DNAJC15: variants seen among roughly 807,000 people sequenced by gnomAD.
DNAJC15 encodes DnaJ heat shock protein family (Hsp40) member C15.
DNAJC15 carries 27 observed loss-of-function variants against 22.4 expected under a neutral mutation model. The ratio of observed to expected loss-of-function variants is 1.20; its 90% confidence interval spans 0.89 to 1.66. The LOEUF (loss-of-function observed/expected upper bound fraction) is 1.66, where lower values mean the gene tolerates loss of function less well. DNAJC15 is among the 40% of genes most tolerant of loss of function. DNAJC15 has a pLI of 0.00. For synonymous variants in DNAJC15, 79 were observed against 63.2 expected (o/e 1.25, Z -1.19); for missense variants, 208 against 187.1 (o/e 1.11, Z -0.65).
rs181034620 is a variant in DNAJC15, at chr13:43,108,149, A to G, written c.*901A>G. Reference sequence around the variant, plus strand: ...TTTAAAAGTTCAAAGGAAGAAAAGAATGTGTTAAACACTGCATGAGAGGAG... The same window carrying G: ...TTTAAAAGTTCAAAGGAAGAAAAGAGTGTGTTAAACACTGCATGAGAGGAG... On this transcript the variant is annotated 3_prime_UTR_variant, in exon 6 of 6. Transcript: ENST00000379221. 1 of 152,666 alleles carries G rather than the reference A, an allele frequency of 6.6e-6. No individual in the cohort carries two copies. The highest frequency in any genetic ancestry group is 1.9e-4 in the East Asian group (1 of 5,182). 9.5% of individuals were successfully genotyped at this position (152,666 alleles called of 1,614,324 possible).
chr13:43,096,736 C>T lies in DNAJC15; in HGVS notation c.383-10442C>T, dbSNP rs529014216. On this transcript the variant is annotated intron_variant, in intron 5 of 5. Coordinates refer to ENST00000379221, the MANE Select transcript of DNAJC15 (RefSeq NM_013238.3). ...ATCAAGAGGTGGTCTGATTTTTCACCCTTTGTATTCAGGTTGGCCTTTGTC... is the reference window on the plus strand; with the variant it reads ...ATCAAGAGGTGGTCTGATTTTTCACTCTTTGTATTCAGGTTGGCCTTTGTC... Among the ~76,000 whole-genome samples the T allele has an allele frequency of 3.9e-5, 6 of 152,238 alleles. No individual in the cohort carries two copies. In the East Asian group the frequency reaches 9.7e-4, roughly 24 times the overall value.
At chr13:43,051,965 T>G (rs951555261) in intron 1 of DNAJC15, among the ~76,000 whole-genome samples, 2 of 152,028 alleles carry the variant, frequency 1.3e-5, no homozygotes, top group African/African-American at 4.8e-5. Context: ...ATTTTTTGAT[T>G]ATTATTATTA....
chr13:43,107,282 G>T lies in DNAJC15; in HGVS notation c.*34G>T. 6.7e-7 allele frequency: 1 copy of T among 1,488,598 alleles called. No individual in the cohort carries two copies. Among genetic ancestry groups the T allele is most frequent in the South Asian group, 1.4e-5 (1 of 71,990 alleles). The allele number at this position is 1,488,598 out of a possible 1,614,324, so 92.2% of individuals were successfully genotyped here. ...GACCACACTGAAGGAAAAAAAAAGA[G>T]GGGACTTCGAAAAAAAAAAAAGCCC... On this transcript the variant is annotated 3_prime_UTR_variant, in exon 6 of 6. Transcript: ENST00000379221.
intron 1 of DNAJC15, among the ~76,000 whole-genome samples, chr13:43,035,426 T>C (rs1413760467): frequency 1.3e-5 from 2 of 152,158 alleles, no homozygotes; most frequent in Non-Finnish European, 2.9e-5. Context: ...AAGAGAATGA[T>C]TTTCACTTCT....
At chr13:43,099,673 C>T (rs956727386) in intron 5 of DNAJC15, among the ~76,000 whole-genome samples, 1 of 151,744 alleles carries the variant, frequency 6.6e-6, no homozygotes, top group African/African-American at 2.4e-5. Flanking sequence ...TGATGAGACT[C>T]GATATATTTA....
At chr13:43,072,716 A>G (rs536558411) in intron 3 of DNAJC15, among the ~76,000 whole-genome samples, 8 of 152,074 alleles carry the variant, frequency 5.3e-5, no homozygotes, top group African/African-American at 1.4e-4. Context: ...GGCACTCGTC[A>G]CTATTCCCAG....
intron 1 of DNAJC15, among the ~76,000 whole-genome samples, chr13:43,044,721 A>G (rs1444580903): frequency 6.6e-6 from 1 of 152,004 alleles, no homozygotes; most frequent in Non-Finnish European, 1.5e-5. Flanking sequence ...AGCATTGTCC[A>G]TTATATTTTC....
chr13:43,066,602 G>T (rs771088303), intron 2 of DNAJC15, among the ~76,000 whole-genome samples: 20 of 152,188 alleles, frequency 1.3e-4, no homozygotes, highest in Middle Eastern at 3.4e-3. Flanking sequence ...ATCTTTGAAG[G>T]CCATTATTCA....
At chr13:43,083,927 G>A (rs1250288392) in intron 4 of DNAJC15, among the ~76,000 whole-genome samples, 2 of 152,172 alleles carry the variant, frequency 1.3e-5, no homozygotes, top group African/African-American at 4.8e-5. Flanking sequence ...TTTTACTCAT[G>A]GAAGACTATT....
At chr13:43,064,489 GTC>G (rs1053052897) in intron 1 of DNAJC15, among the ~76,000 whole-genome samples, 1 of 152,158 alleles carries the variant, frequency 6.6e-6, no homozygotes, top group Non-Finnish European at 1.5e-5. Context: ...TGTTTTAAAA[GTC>G]TCTGCCGACT....
At chr13:43,033,307 C>T (rs2040412515) in intron 1 of DNAJC15, among the ~76,000 whole-genome samples, 1 of 152,088 alleles carries the variant, frequency 6.6e-6, no homozygotes, top group Non-Finnish European at 1.5e-5. Flanking sequence ...GTCTTTGTTT[C>T]TTGTGAGGCT....
intron 1 of DNAJC15, among the ~76,000 whole-genome samples, chr13:43,042,560 A>T (rs2040459081): frequency 6.6e-6 from 1 of 152,182 alleles, no homozygotes; most frequent in South Asian, 2.1e-4. Flanking sequence ...CCCAAACTGA[A>T]AGCCAGCAGA....
In DNAJC15 at chr13:43,102,720, G is replaced by A. The variant is rs9562462; in HGVS notation, c.383-4458G>A. Among the ~76,000 whole-genome samples the A allele has an allele frequency of 2.0e-5, 3 of 152,106 alleles. No individual in the cohort carries two copies. In the East Asian group the frequency reaches 5.8e-4, roughly 29 times the overall value. On this transcript the variant is annotated intron_variant, in intron 5 of 5. Transcript: ENST00000379221. ...GCATTCCTGAGATAAACCTAACTTG[G>A]TCATCATATCTAGTCTGATTTGATA...
rs145272992 is a variant in DNAJC15 at position 43,043,327 on chromosome 13, C to T, written c.108+19593C>T. ...TTCACCATGTTGGCCAGACTGGTCT[C>T]GAACTCCTGACTCTCAGTTGATCTA... On this transcript the variant is annotated intron_variant, in intron 1 of 5. Coordinates refer to ENST00000379221, the MANE Select transcript of DNAJC15 (RefSeq NM_013238.3). 8.9e-3 allele frequency among the ~76,000 whole-genome samples: 1,349 copies of T among 152,178 alleles called. 18 individuals carry two copies. The highest frequency in any genetic ancestry group is 0.027 in the African/African-American group (1,118 of 41,506).
intron 1 of DNAJC15, among the ~76,000 whole-genome samples, chr13:43,029,509 G>C (rs888401330): frequency 1.4e-5 from 2 of 141,616 alleles, no homozygotes; most frequent in Non-Finnish European, 3.0e-5. Flanking sequence ...AATGCCATAG[G>C]GAATTTGTAA....
At chr13:43,094,168 A>G (rs894710877) in intron 5 of DNAJC15, among the ~76,000 whole-genome samples, 1 of 152,226 alleles carries the variant, frequency 6.6e-6, no homozygotes, top group African/African-American at 2.4e-5. Flanking sequence ...ATTAAAATCT[A>G]TTGGTCTATC....
intron 5 of DNAJC15, among the ~76,000 whole-genome samples, chr13:43,103,158 T>A (rs2040778247): frequency 6.6e-6 from 1 of 152,158 alleles, no homozygotes; most frequent in Non-Finnish European, 1.5e-5. Context: ...CATGAGTTAT[T>A]TAGGAGTATA....
intron 3 of DNAJC15, 50 bp downstream of exon 3, chr13:43,069,053 T>A (rs1010641382): frequency 6.5e-7 from 1 of 1,540,420 alleles, no homozygotes; most frequent in Admixed American, 1.8e-5. Context: ...TTTTTGTTCA[T>A]ATGACATATT....
intron 5 of DNAJC15, among the ~76,000 whole-genome samples, chr13:43,093,570 C>T (rs1410920920): frequency 6.6e-6 from 1 of 151,890 alleles, no homozygotes; most frequent in East Asian, 1.9e-4. Flanking sequence ...GCCAACATAC[C>T]CAGCTAATTT....
Sources: allele counts gnomAD v4.1 joint callset (sites outside exome capture counted in the v4.1 genomes callset), GRCh38; gene constraint gnomAD v4.1.1; transcripts MANE v1.5; gene names NCBI Gene and HGNC (gene_info 2026-07-23, HGNC 2026-07-21).